PPIP5K2: variants seen among roughly 807,000 people sequenced by gnomAD.
PPIP5K2 encodes diphosphoinositol pentakisphosphate kinase 2.
A neutral mutation model predicts 154.6 loss-of-function variants in PPIP5K2; 105 were observed. That is an observed-to-expected ratio of 0.68 (90% confidence interval 0.58 to 0.80). The LOEUF is 0.80. Ranked by LOEUF, PPIP5K2 falls within the 30% of genes least tolerant of loss-of-function variation. The pLI is 0.00. For missense variants in PPIP5K2, 992 were observed against 1,504.6 expected, an observed-to-expected ratio of 0.66 and a Z score of 5.64; for synonymous variants, 480 against 490.3, an observed-to-expected ratio of 0.98 and a Z score of 0.28.
At chr5:103,132,428 C>T (rs889718064) in intron 2 of PPIP5K2, among the ~76,000 whole-genome samples, 18 of 152,048 alleles carry the variant, frequency 1.2e-4, no homozygotes, top group Admixed American at 9.8e-4. Flanking sequence ...TGCCTGTAGT[C>T]CCAGCTACTT....
At chr5:103,193,038 C>T (rs782639545) in intron 29 of PPIP5K2, among the ~76,000 whole-genome samples, 1 of 152,100 alleles carries the variant, frequency 6.6e-6, no homozygotes, top group Non-Finnish European at 1.5e-5. Flanking sequence ...ATGGCTGCTT[C>T]AACCAGAGTA....
chr5:103,142,327 C>T (rs1050272943), intron 5 of PPIP5K2, among the ~76,000 whole-genome samples: 2 of 152,190 alleles, frequency 1.3e-5, no homozygotes. Flanking sequence ...GCTCCGAGTG[C>T]GGGGCCCGCC....
At chr5:103,176,968 G>C in intron 21 of PPIP5K2, 1 of 1,279,510 alleles carries the variant, frequency 7.8e-7, no homozygotes. Flanking sequence ...TATCACTTCA[G>C]TGTAATAGGG....
At chr5:103,190,613 T>C (rs1280159037) in intron 28 of PPIP5K2, among the ~76,000 whole-genome samples, 1 of 151,948 alleles carries the variant, frequency 6.6e-6, no homozygotes, top group Non-Finnish European at 1.5e-5. Context: ...TGAAATTGTG[T>C]GCATGCGATA....
chr5:103,184,773 A>C (rs1353201707), intron 26 of PPIP5K2, 29 bp downstream of exon 26: 1 of 1,561,394 alleles, frequency 6.4e-7, no homozygotes, highest in African/African-American at 1.4e-5. Flanking sequence ...ATTGTGTTCC[A>C]TACCCTTCTT....
chr5:103,176,977 G>T lies in PPIP5K2; in HGVS notation c.2530-690G>T, dbSNP rs561323346. Reference sequence around the variant, plus strand: ...TTTGAATATCACTTCAGTGTAATAGGGATACTTGTTGATAGGCCTATATTG... The same window carrying T: ...TTTGAATATCACTTCAGTGTAATAGTGATACTTGTTGATAGGCCTATATTG... On this transcript the variant is annotated intron_variant, in intron 21 of 30. Transcript: ENST00000358359. The T allele has an allele frequency of 8.6e-5, 107 of 1,242,332 alleles. No homozygotes were observed. In the East Asian group the frequency reaches 2.7e-3, roughly 31 times the overall value. 77.0% of individuals were successfully genotyped at this position (1,242,332 alleles called of 1,614,324 possible).
chr5:103,140,592 G>A (rs1469177316), intron 5 of PPIP5K2, among the ~76,000 whole-genome samples: 1 of 152,176 alleles, frequency 6.6e-6, no homozygotes, highest in Admixed American at 6.5e-5. Context: ...GCTCACGCCT[G>A]TAATCCCAGC....
chr5:103,178,631 A>G (rs1182757423), intron 23 of PPIP5K2, among the ~76,000 whole-genome samples: 28 of 151,522 alleles, frequency 1.8e-4, no homozygotes, highest in Admixed American at 1.7e-3. Context: ...ACTCTTTGAG[A>G]TTTTGATTGA....
chr5:103,167,297 G>T lies in PPIP5K2; in HGVS notation c.2039G>T (p.Arg680Leu). 1.3e-6 allele frequency: 2 copies of T among 1,586,218 alleles called. No individual in the cohort carries two copies. The highest frequency in any genetic ancestry group is 2.3e-5 in the South Asian group (2 of 85,830). Reference protein sequence around the residue: ...IQSLTSQIRHRMEDPKSSDIQ... With the variant: ...IQSLTSQIRHLMEDPKSSDIQ... ...AGTTTGACTTCTCAAATCAGACATCGAATGGAAGATCCTAAATCATCAGGT... is the reference window on the plus strand; with the variant it reads ...AGTTTGACTTCTCAAATCAGACATCTAATGGAAGATCCTAAATCATCAGGT... The change falls in exon 18 of 31, where the codon CGA becomes CTA. Residue 680 changes from arginine to leucine, a missense_variant. Arg to Leu is a moderately radical substitution (Grantham distance 102). Coordinates refer to ENST00000358359, the MANE Select transcript of PPIP5K2 (RefSeq NM_001276277.3).
intron 19 of PPIP5K2, among the ~76,000 whole-genome samples, chr5:103,170,292 G>T (rs1226474186): frequency 1.3e-5 from 2 of 151,566 alleles, no homozygotes; most frequent in Non-Finnish European, 3.0e-5. Context: ...CGAAGGAGTT[G>T]AGTCACCATT....
At chr5:103,130,872 A>T (rs142607577) in intron 2 of PPIP5K2, among the ~76,000 whole-genome samples, 1 of 152,328 alleles carries the variant, frequency 6.6e-6, no homozygotes, top group Non-Finnish European at 1.5e-5. Context: ...TCTTACATGT[A>T]AAGGCTTTTA....
chr5:103,189,085 C>T, intron 28 of PPIP5K2: 1 of 1,037,904 alleles, frequency 9.6e-7, no homozygotes, highest in East Asian at 2.7e-5. Flanking sequence ...ACTTACCCCT[C>T]CCTTCATCTT....
chr5:103,155,404 G>GTTTTT (rs1554212864), intron 13 of PPIP5K2, among the ~76,000 whole-genome samples: 1 of 23,896 alleles, frequency 4.2e-5, no homozygotes, highest in African/African-American at 9.9e-5. Context: ...CTTCAGAGTT[G>GTTTTT]TCTTTTTTTT....
chr5:103,131,965 TA>T (rs1348328623), intron 2 of PPIP5K2, among the ~76,000 whole-genome samples: 3 of 152,126 alleles, frequency 2.0e-5, no homozygotes, highest in Admixed American at 6.5e-5. Flanking sequence ...TATTAGCATT[TA>T]AAAAAATTGT....
intron 3 of PPIP5K2, chr5:103,136,172 C>A: frequency 6.6e-6 from 1 of 152,144 alleles, no homozygotes. Context: ...GGGGTTTCAC[C>A]CTGTTGGCCA....
chr5:103,142,553 C>T (rs1380542553), intron 5 of PPIP5K2, among the ~76,000 whole-genome samples: 5 of 152,154 alleles, frequency 3.3e-5, no homozygotes, highest in African/African-American at 2.4e-5. Context: ...GAGGAGGCGC[C>T]AAGAGCGAGC....
intron 19 of PPIP5K2, among the ~76,000 whole-genome samples, chr5:103,169,081 G>C (rs1235338626): frequency 1.3e-5 from 2 of 151,782 alleles, no homozygotes; most frequent in Non-Finnish European, 2.9e-5. Context: ...TGGGGGACAT[G>C]GGTCTTTTCA....
Position 103,153,854 on chromosome 5 carries a change from A to G in PPIP5K2, c.1137A>G (p.Glu379=). 6.3e-7 allele frequency: 1 copy of G among 1,597,364 alleles called. No individual in the cohort carries two copies. The highest frequency in any genetic ancestry group is 2.3e-5 in the East Asian group (1 of 44,426). ...ATATATTTTTTCATTTTAGGATGGA[A>G]CTTAGATGTGTCATAGCTGTTATAC... ...IVPTTSGTMM[E]LRCVIAVIRH... Residue 379 remains glutamate, a synonymous_variant, in exon 11 of 31, where the codon GAA becomes GAG. Coordinates refer to ENST00000358359, the MANE Select transcript of PPIP5K2 (RefSeq NM_001276277.3).
At chr5:103,183,942 T>C (rs1799966867) in intron 25 of PPIP5K2, among the ~76,000 whole-genome samples, 2 of 152,186 alleles carry the variant, frequency 1.3e-5, no homozygotes, top group African/African-American at 4.8e-5. Flanking sequence ...TTTGGAAGTA[T>C]CTAATTTAAG....
Sources: gnomAD v4.1 joint callset for allele counts (sites outside exome capture counted in the v4.1 genomes callset) on GRCh38, gnomAD v4.1.1 for gene constraint, MANE v1.5 for transcripts, NCBI Gene and HGNC (gene_info 2026-07-23, HGNC 2026-07-21) for gene names.